Variants in TRAF1 observed in about 807,000 individuals in gnomAD.
The protein encoded by TRAF1 is TNF receptor-associated factor 1.
TRAF1 carries 23 observed loss-of-function variants against 40.9 expected under a neutral mutation model. The observed-to-expected ratio is 0.56, with a 90% CI of 0.40 to 0.80. TRAF1 has a LOEUF of 0.80. Ranked by LOEUF, TRAF1 falls within the 30% of genes least tolerant of loss-of-function variation. The pLI, the probability that TRAF1 is intolerant of heterozygous loss-of-function variation, is 0.00. For missense variants in TRAF1, 477 were observed against 528.7 expected (o/e 0.90, Z 0.96); for synonymous variants, 206 against 218.8 (o/e 0.94, Z 0.52).
chr9:120,923,871 C>G (rs1410046557), intron 2 of TRAF1, 79 bp from the exon 3 acceptor site: 1 of 1,278,478 alleles, frequency 7.8e-7, no homozygotes, highest in African/African-American at 1.5e-5. Flanking sequence ...GCTCCAGAAG[C>G]CTCAACTATC....
In TRAF1 at chr9:120,926,767, C is replaced by A. The variant is rs1241979638; in HGVS notation, c.-444G>T. 6.6e-6 allele frequency: 1 copy of A among 152,082 alleles called. No individual in the cohort carries two copies. Among genetic ancestry groups the A allele is most frequent in the Non-Finnish European group, 1.5e-5 (1 of 68,048 alleles). 9.4% of individuals were successfully genotyped at this position (152,082 alleles called of 1,614,324 possible). A position where few individuals can be genotyped will look rare whatever the true frequency, so the allele number is the denominator to read the frequency against. On this transcript the variant is annotated 5_prime_UTR_variant, in exon 1 of 8. Transcript: ENST00000373887. ...CTATCTTGCCTGGGACTGAGGCAAC[C>A]AGAAGGAGCAGGAAAGCCCTGATGA...
In TRAF1 at chr9:120,906,686, G is replaced by T. The variant is rs576444234; in HGVS notation, c.1033-1448C>A. 1.3e-4 allele frequency among the ~76,000 whole-genome samples: 20 copies of T among 152,136 alleles called. 1 individual carries two copies. Among genetic ancestry groups the T allele is most frequent in the African/African-American group, 4.6e-4 (19 of 41,492 alleles). ...TCACCCAGAGTCCACAGTTTACATT[G>T]GCATTTACTCTTGGTATTTCACTTT... On this transcript the variant is annotated intron_variant, in intron 7 of 7. Coordinates refer to ENST00000373887, the MANE Select transcript of TRAF1 (RefSeq NM_005658.5).
chr9:120,911,937 G>A (rs184499570), intron 5 of TRAF1, among the ~76,000 whole-genome samples: 34 of 152,258 alleles, frequency 2.2e-4, no homozygotes, highest in Middle Eastern at 3.4e-3. Flanking sequence ...GTGAAATGAA[G>A]GTATAATTGT....
At chr9:120,910,399 C>T (rs1354657371) in intron 6 of TRAF1, among the ~76,000 whole-genome samples, 3 of 152,166 alleles carry the variant, frequency 2.0e-5, no homozygotes, top group South Asian at 2.1e-4. Flanking sequence ...TCCGCTGCCT[C>T]GTTAAAAAAA....
intron 7 of TRAF1, among the ~76,000 whole-genome samples, chr9:120,908,065 TTTA>T (rs909855089): frequency 2.0e-5 from 3 of 151,442 alleles, no homozygotes; most frequent in Admixed American, 6.6e-5. Flanking sequence ...GCTGATGGTT[TTTA>T]TTATTATTAT....
At position 120,909,930 on chromosome 9, in the gene TRAF1, TG is replaced by T. The variant is rs1170486929; in HGVS notation, c.884-553del. Among the ~76,000 whole-genome samples the T allele has an allele frequency of 6.6e-5, 10 of 152,018 alleles. No individual in the cohort carries two copies. In the East Asian group the frequency reaches 1.9e-3, roughly 29 times the overall value. On this transcript the variant is annotated intron_variant, in intron 6 of 7. Transcript: ENST00000373887. ...TGGGGTGACTCACAGTTCTGCCCTA[TG>T]CCAACTGGCTGGGGTCCCCTGGAGG...
chr9:120,919,648 C>G (rs146752840), intron 3 of TRAF1, among the ~76,000 whole-genome samples: 1 of 152,122 alleles, frequency 6.6e-6, no homozygotes. Context: ...TGCCACTGTC[C>G]GCCCGTTCCT....
At chr9:120,925,095 T>A (rs990781713) in intron 2 of TRAF1, among the ~76,000 whole-genome samples, 1 of 152,244 alleles carries the variant, frequency 6.6e-6, no homozygotes, top group Non-Finnish European at 1.5e-5. Flanking sequence ...TCCTTTGTCG[T>A]CATGTTTGAA....
At chr9:120,923,186 G>T (rs1261016888) in intron 3 of TRAF1, among the ~76,000 whole-genome samples, 3 of 152,122 alleles carry the variant, frequency 2.0e-5, no homozygotes, top group Non-Finnish European at 4.4e-5. Context: ...TTACCAAGGG[G>T]TTTATATTTG....
At chr9:120,905,597 A>C (rs936225604) in intron 7 of TRAF1, among the ~76,000 whole-genome samples, 4 of 152,254 alleles carry the variant, frequency 2.6e-5, no homozygotes, top group Non-Finnish European at 4.4e-5. Flanking sequence ...GGTGGAGGCA[A>C]TAACCTGTAA....
At chr9:120,925,320 C>T (rs1257683016) in intron 2 of TRAF1, among the ~76,000 whole-genome samples, 1 of 152,220 alleles carries the variant, frequency 6.6e-6, no homozygotes, top group Admixed American at 6.5e-5. Flanking sequence ...GAGCATTTGG[C>T]ACACAGTAGG....
intron 7 of TRAF1, among the ~76,000 whole-genome samples, chr9:120,906,352 T>G (rs1429635148): frequency 6.6e-6 from 1 of 152,104 alleles, no homozygotes; most frequent in African/African-American, 2.4e-5. Flanking sequence ...GATAATTTTT[T>G]GTATTTAGTA....
At chr9:120,915,628 T>C (rs2046563940) in intron 3 of TRAF1, among the ~76,000 whole-genome samples, 1 of 150,844 alleles carries the variant, frequency 6.6e-6, no homozygotes, top group African/African-American at 2.4e-5. Flanking sequence ...AGGCCAGGAG[T>C]TCAAGACAGC....
intron 3 of TRAF1, chr9:120,914,563 C>G: frequency 3.6e-6 from 4 of 1,125,474 alleles, no homozygotes; most frequent in Non-Finnish European, 4.3e-6. Flanking sequence ...CACACAGCTC[C>G]GTAATCATCA....
At chr9:120,922,466 T>G (rs1377261620) in intron 3 of TRAF1, among the ~76,000 whole-genome samples, 1 of 152,256 alleles carries the variant, frequency 6.6e-6, no homozygotes, top group African/African-American at 2.4e-5. Context: ...ATTTTTATCA[T>G]TTTGTCATGA....
At chr9:120,927,725 T>G (rs1008211887), upstream of TRAF1, 20 of 152,266 alleles carry the variant, frequency 1.3e-4, no homozygotes, top group African/African-American at 4.6e-4. Context: ...CACAGGCTGG[T>G]GGCAAAGACA....
Position 120,923,887 on chromosome 9 carries a change from G to T in TRAF1, c.141-95C>A. ...CTCCAGAAGCCTCAACTATCAGCAGGGTGGTGATCATGTACGTCCACAATC... is the reference window on the plus strand; with the variant it reads ...CTCCAGAAGCCTCAACTATCAGCAGTGTGGTGATCATGTACGTCCACAATC... On this transcript the variant is annotated intron_variant, in intron 2 of 7. Transcript: ENST00000373887. The T allele has an allele frequency of 6.2e-6, 7 of 1,121,968 alleles. No homozygotes were observed. In the South Asian group the frequency reaches 8.7e-5, roughly 14 times the overall value. The allele number at this position is 1,121,968 out of a possible 1,614,324, so 69.5% of individuals were successfully genotyped here.
At chr9:120,918,935 G>C (rs965259022) in intron 3 of TRAF1, among the ~76,000 whole-genome samples, 1 of 152,172 alleles carries the variant, frequency 6.6e-6, no homozygotes, top group East Asian at 1.9e-4. Flanking sequence ...TGCTTCCCTC[G>C]GGTAGGTGGA....
At chr9:120,928,941 G>T (rs1297665956), upstream of TRAF1, among the ~76,000 whole-genome samples, 1 of 151,666 alleles carries the variant, frequency 6.6e-6, no homozygotes, top group Non-Finnish European at 1.5e-5. Context: ...GCCCGCGGCT[G>T]GGCTGGGGGC....
Sources: allele counts gnomAD v4.1 joint callset (sites outside exome capture counted in the v4.1 genomes callset), GRCh38; gene constraint gnomAD v4.1.1; transcripts MANE v1.5; gene names NCBI Gene and HGNC (gene_info 2026-07-23, HGNC 2026-07-21).